Variants in SCAPER observed in about 807,000 individuals in gnomAD.
The protein encoded by SCAPER is S phase cyclin A-associated protein in the endoplasmic reticulum.
In SCAPER, 98 loss-of-function variants were observed where a neutral mutation model predicts 182.2. That is an observed-to-expected ratio of 0.54 (90% CI 0.46 to 0.64). The LOEUF is 0.64. Among genes scored for constraint, SCAPER ranks in the 30% least tolerant of loss-of-function variants. SCAPER has a pLI of 0.00. For synonymous variants in SCAPER, 605 were observed against 564.6 expected (o/e 1.07, Z -1.01); for missense variants, 1,432 against 1,690.0 (o/e 0.85, Z 2.68).
chr15:76,392,264 AT>A (rs1393426554), intron 27 of SCAPER, among the ~76,000 whole-genome samples: 4 of 152,196 alleles, frequency 2.6e-5, no homozygotes, highest in African/African-American at 9.7e-5. Context: ...TCTATAAGCT[AT>A]CTCAAGTTTT....
intron 20 of SCAPER, among the ~76,000 whole-genome samples, chr15:76,700,479 T>C (rs924793746): frequency 6.6e-6 from 1 of 152,206 alleles, no homozygotes; most frequent in East Asian, 1.9e-4. Flanking sequence ...CAGGAGAGAG[T>C]CCTGGTGCTC....
At chr15:76,445,205 G>T (rs1277709003) in intron 25 of SCAPER, among the ~76,000 whole-genome samples, 1 of 152,132 alleles carries the variant, frequency 6.6e-6, no homozygotes, top group Admixed American at 6.5e-5. Flanking sequence ...GTTTCCACTT[G>T]TAAGTGAGAA....
Position 76,425,895 on chromosome 15 carries a change from C to CTGGG in SCAPER, c.3311+8179_3311+8182dup, listed in dbSNP as rs1444768994. Among the ~76,000 whole-genome samples the CTGGG allele has an allele frequency of 3.3e-5, 5 of 152,210 alleles. No individual in the cohort carries two copies. In the East Asian group the frequency reaches 9.6e-4, roughly 29 times the overall value. ...CAGGTCCACTCCAGACCCTGTTTGC[C>CTGGG]TGGGTATCAGCAGCGGAGGCTGCAG... On this transcript the variant is annotated intron_variant, in intron 26 of 31. Coordinates refer to ENST00000563290, the MANE Select transcript of SCAPER (RefSeq NM_020843.4).
intron 27 of SCAPER, among the ~76,000 whole-genome samples, chr15:76,399,665 A>C (rs1446667170): frequency 6.6e-6 from 1 of 152,188 alleles, no homozygotes; most frequent in Non-Finnish European, 1.5e-5. Context: ...TGAAACAAAG[A>C]CTAACAGCAC....
intron 25 of SCAPER, among the ~76,000 whole-genome samples, chr15:76,450,387 G>A (rs957539802): frequency 6.6e-6 from 1 of 152,116 alleles, no homozygotes; most frequent in African/African-American, 2.4e-5. Flanking sequence ...AAGCTCTCCG[G>A]CTTATTTATT....
intron 15 of SCAPER, among the ~76,000 whole-genome samples, chr15:76,737,709 C>T (rs1292625302): frequency 2.0e-5 from 3 of 152,218 alleles, no homozygotes; most frequent in Non-Finnish European, 4.4e-5. Flanking sequence ...TTGCAAATCT[C>T]TTGTTTGGTG....
At chr15:76,869,948 T>C (rs1394593770) in intron 2 of SCAPER, among the ~76,000 whole-genome samples, 1 of 152,112 alleles carries the variant, frequency 6.6e-6, no homozygotes, top group Non-Finnish European at 1.5e-5. Context: ...TGCAACAACA[T>C]AGATGGAACT....
intron 22 of SCAPER, among the ~76,000 whole-genome samples, chr15:76,611,353 C>T (rs1261254781): frequency 6.6e-6 from 1 of 151,990 alleles, no homozygotes; most frequent in Non-Finnish European, 1.5e-5. Flanking sequence ...AATTCCTGGA[C>T]ACATACACCT....
At chr15:76,882,448 C>T (rs1412563640) in intron 2 of SCAPER, among the ~76,000 whole-genome samples, 2 of 151,456 alleles carry the variant, frequency 1.3e-5, no homozygotes, top group African/African-American at 4.8e-5. Context: ...GACTTCTATC[C>T]CCTCTAAGAC....
At chr15:76,470,310 A>G (rs1004214909) in intron 25 of SCAPER, among the ~76,000 whole-genome samples, 1 of 152,192 alleles carries the variant, frequency 6.6e-6, no homozygotes, top group African/African-American at 2.4e-5. Flanking sequence ...AGTGTGATCA[A>G]TTCTATCAGA....
intron 20 of SCAPER, among the ~76,000 whole-genome samples, chr15:76,698,357 CA>C (rs2058759904): frequency 6.6e-6 from 1 of 152,086 alleles, no homozygotes; most frequent in Non-Finnish European, 1.5e-5. Flanking sequence ...AGCATTATAT[CA>C]AACATGAATA....
chr15:76,611,596 G>C (rs558529522), intron 22 of SCAPER, among the ~76,000 whole-genome samples: 1 of 152,280 alleles, frequency 6.6e-6, no homozygotes, highest in South Asian at 2.1e-4. Context: ...GTATTATCTT[G>C]ATGCCAAAAC....
chr15:76,401,979 T>C (rs760693106), intron 27 of SCAPER, among the ~76,000 whole-genome samples: 1 of 151,984 alleles, frequency 6.6e-6, no homozygotes, highest in Non-Finnish European at 1.5e-5. Flanking sequence ...ATACAAAAAT[T>C]AGCCAGGAGT....
intron 27 of SCAPER, among the ~76,000 whole-genome samples, chr15:76,398,516 G>A (rs765932885): frequency 5.9e-5 from 9 of 152,116 alleles, no homozygotes; most frequent in Non-Finnish European, 8.8e-5. Flanking sequence ...ATAGGCAGGC[G>A]GGCAGAGTTA....
At chr15:76,430,739 G>A (rs2046805219) in intron 26 of SCAPER, among the ~76,000 whole-genome samples, 1 of 152,198 alleles carries the variant, frequency 6.6e-6, no homozygotes, top group Non-Finnish European at 1.5e-5. Flanking sequence ...CAGATGAGAT[G>A]TTGTACTATG....
At chr15:76,729,546 G>GTATT (rs2060795196) in intron 16 of SCAPER, among the ~76,000 whole-genome samples, 1 of 152,064 alleles carries the variant, frequency 6.6e-6, no homozygotes, top group South Asian at 2.1e-4. Context: ...GGAGAAAGAG[G>GTATT]TAATACAATA....
intron 22 of SCAPER, among the ~76,000 whole-genome samples, chr15:76,604,695 A>C (rs1268488893): frequency 1.4e-4 from 21 of 151,980 alleles, no homozygotes; most frequent in Non-Finnish European, 2.1e-4. Context: ...ATCCTCCTTT[A>C]TTTCACTGAG....
intron 25 of SCAPER, 113 bp from the exon 26 acceptor site, chr15:76,434,423 A>C: frequency 2.6e-6 from 2 of 770,298 alleles, no homozygotes; most frequent in Non-Finnish European, 2.0e-6. Flanking sequence ...TAAAATGTTC[A>C]AGAGTGTTGG....
chr15:76,381,705 G>A (rs557077097), intron 27 of SCAPER, 90 bp from the exon 28 acceptor site: 157 of 1,033,406 alleles, frequency 1.5e-4, no homozygotes, highest in East Asian at 4.4e-4. Context: ...CAAGCAGACC[G>A]TTAAAAACAA....
Sources: gnomAD v4.1 joint callset for allele counts (sites outside exome capture counted in the v4.1 genomes callset) on GRCh38, gnomAD v4.1.1 for gene constraint, MANE v1.5 for transcripts, NCBI Gene and HGNC (gene_info 2026-07-23, HGNC 2026-07-21) for gene names.